ITGA4: variants seen among roughly 807,000 people sequenced by gnomAD.
ITGA4 encodes the protein integrin subunit alpha 4, also known as integrin alpha-4.
In ITGA4, 63 loss-of-function variants were observed where a neutral mutation model predicts 133.6. The observed-to-expected ratio is 0.47, with a 90% CI of 0.38 to 0.58. The LOEUF (loss-of-function observed/expected upper bound fraction) is 0.58, where lower values mean the gene tolerates loss of function less well. ITGA4 is among the 20% of genes least tolerant of loss of function. The probability of loss-of-function intolerance (pLI) is 0.00; values close to 1 mark genes in which losing one functional copy is unlikely to be tolerated. For missense variants in ITGA4, 1,076 were observed against 1,252.7 expected, an observed-to-expected ratio of 0.86 and a Z score of 2.13; for synonymous variants, 483 against 438.0, an observed-to-expected ratio of 1.10 and a Z score of -1.28.
chr2:181,531,573 A>G, intron 24 of ITGA4, 84 bp from the exon 25 acceptor site: 1 of 604,558 alleles, frequency 1.7e-6, no homozygotes, highest in South Asian at 3.7e-5. Flanking sequence ...CCATTAGAGT[A>G]TATATTAAAT....
chr2:181,506,419 T>C (rs4667314), intron 15 of ITGA4, among the ~76,000 whole-genome samples: 147,890 of 152,072 alleles, frequency 0.97, 72,047 homozygotes, highest in Middle Eastern at 1. Context: ...TCAGATAACA[T>C]AACTAAGCCA....
intron 4 of ITGA4, among the ~76,000 whole-genome samples, chr2:181,476,884 A>G (rs1253584506): frequency 6.6e-6 from 1 of 152,128 alleles, no homozygotes; most frequent in East Asian, 1.9e-4. Context: ...ACCAAATACC[A>G]CATGTTCTCA....
At chr2:181,465,461 C>T (rs1355878098) in intron 2 of ITGA4, among the ~76,000 whole-genome samples, 1 of 152,022 alleles carries the variant, frequency 6.6e-6, no homozygotes, top group East Asian at 1.9e-4. Flanking sequence ...GATTCCAAAA[C>T]CAAGCATGGA....
intron 14 of ITGA4, among the ~76,000 whole-genome samples, chr2:181,497,865 T>C (rs1686185790): frequency 6.6e-6 from 1 of 152,052 alleles, no homozygotes; most frequent in South Asian, 2.1e-4. Context: ...TTGTTAATTT[T>C]TTCTTTTTTC....
chr2:181,532,228 G>A (rs1218688374), intron 25 of ITGA4, among the ~76,000 whole-genome samples: 1 of 152,158 alleles, frequency 6.6e-6, no homozygotes, highest in Non-Finnish European at 1.5e-5. Flanking sequence ...GGATTGTCTT[G>A]ACTATATGGG....
At chr2:181,529,520 A>C (rs1203624293) in intron 22 of ITGA4, 21 bp from the exon 23 acceptor site, 2 of 1,267,578 alleles carry the variant, frequency 1.6e-6, no homozygotes, top group Non-Finnish European at 2.3e-6. Context: ...AATTTGTTAA[A>C]AAATTTTTCC....
chr2:181,534,355 T>TGAG lies in ITGA4; in HGVS notation c.2869_2871dup (p.Glu957dup), dbSNP rs1356946676. ...CAAGAGTAATTGAACTAAACAAGGATGAGAATGTTGCGCATGTAAGATTAC... is the reference window on the plus strand; with the variant it reads ...CAAGAGTAATTGAACTAAACAAGGATGAGGAGAATGTTGCGCATGTAAGATTAC... On this transcript the variant is annotated inframe_insertion, in exon 26 of 28. Transcript: ENST00000397033. 1 of 1,594,940 alleles carries TGAG rather than the reference T, an allele frequency of 6.3e-7. No individual in the cohort carries two copies. The highest frequency in any genetic ancestry group is 8.6e-7 in the Non-Finnish European group (1 of 1,163,120).
At chr2:181,518,962 T>G (rs2105762634) in intron 17 of ITGA4, among the ~76,000 whole-genome samples, 1 of 152,116 alleles carries the variant, frequency 6.6e-6, no homozygotes, top group South Asian at 2.1e-4. Context: ...GAATCTCTCC[T>G]AGATAGAAAC....
At chr2:181,505,601 A>AT (rs1686377014) in intron 15 of ITGA4, among the ~76,000 whole-genome samples, 1 of 152,102 alleles carries the variant, frequency 6.6e-6, no homozygotes, top group African/African-American at 2.4e-5. Flanking sequence ...ACTTCAAGAC[A>AT]TTTTTGATAT....
chr2:181,464,708 A>G (rs896655736), intron 2 of ITGA4, among the ~76,000 whole-genome samples: 2 of 152,108 alleles, frequency 1.3e-5, no homozygotes, highest in African/African-American at 2.4e-5. Flanking sequence ...TGCACATTTC[A>G]GCCTCATTCC....
intron 15 of ITGA4, among the ~76,000 whole-genome samples, chr2:181,506,999 T>C (rs573020246): frequency 6.6e-6 from 1 of 152,186 alleles, no homozygotes; most frequent in African/African-American, 2.4e-5. Context: ...ACTAGACTCT[T>C]TAATGGTCAA....
chr2:181,525,755 C>T (rs1686820831), intron 21 of ITGA4, among the ~76,000 whole-genome samples: 1 of 152,180 alleles, frequency 6.6e-6, no homozygotes, highest in Admixed American at 6.5e-5. Context: ...CAAGGTGTCC[C>T]TTGTCCACTT....
intron 25 of ITGA4, 47 bp from the exon 26 acceptor site, chr2:181,534,225 C>T (rs1373621479): frequency 1.8e-6 from 2 of 1,137,850 alleles, no homozygotes; most frequent in South Asian, 2.6e-5. Flanking sequence ...TAAATTATGT[C>T]TTTATGAAAT....
Position 181,538,349 on chromosome 2 carries a change from C to T in ITGA4, c.*2822C>T, listed in dbSNP as rs1687305026. The T allele has an allele frequency of 4.4e-6, 3 of 678,284 alleles. No homozygotes were observed. The highest frequency in any genetic ancestry group is 8.0e-6 in the Non-Finnish European group (3 of 372,902). The allele number at this position is 678,284 out of a possible 1,614,324, so 42.0% of individuals were successfully genotyped here. ...ATGCCAAATACAAATTGATAACAAACACAGCATTCCCAACAGAGCTGTAAT... is the reference window on the plus strand; with the variant it reads ...ATGCCAAATACAAATTGATAACAAATACAGCATTCCCAACAGAGCTGTAAT... On this transcript the variant is annotated 3_prime_UTR_variant, in exon 28 of 28. Coordinates refer to ENST00000397033, the MANE Select transcript of ITGA4 (RefSeq NM_000885.6).
In ITGA4 at chr2:181,530,619, G is replaced by A; in HGVS notation, c.2634G>A (p.Arg878=). 2 of 1,613,058 alleles carry A rather than the reference G, an allele frequency of 1.2e-6. No homozygotes were observed. Among genetic ancestry groups the A allele is most frequent in the Non-Finnish European group, 1.7e-6 (2 of 1,179,246 alleles). Reference sequence around the variant, plus strand: ...TGCAGACCTTGAAAGGCATAGTCCGGTTCTTGTCCAAGACTGATAAGAGGC... The same window carrying A: ...TGCAGACCTTGAAAGGCATAGTCCGATTCTTGTCCAAGACTGATAAGAGGC... ...SAMQTLKGIV[R]FLSKTDKRLL... is the part of the protein sequence containing the mutation. The change falls in exon 24 of 28, where the codon CGG becomes CGA. Residue 878 remains arginine (R), a synonymous_variant. Coordinates refer to ENST00000397033, the MANE Select transcript of ITGA4 (RefSeq NM_000885.6).
chr2:181,535,181 G>A (rs964845898), intron 27 of ITGA4, among the ~76,000 whole-genome samples: 7 of 151,990 alleles, frequency 4.6e-5, no homozygotes, highest in Admixed American at 6.6e-5. Flanking sequence ...CAAATTACAC[G>A]GAATGTCAAT....
chr2:181,535,545 A>G lies in ITGA4; in HGVS notation c.*18A>G, dbSNP rs199950735. 5.6e-5 allele frequency: 89 copies of G among 1,585,380 alleles called. No individual in the cohort carries two copies. The highest frequency in any genetic ancestry group is 7.3e-5 in the Non-Finnish European group (85 of 1,167,762). On this transcript the variant is annotated 3_prime_UTR_variant, in exon 28 of 28. Coordinates refer to ENST00000397033, the MANE Select transcript of ITGA4 (RefSeq NM_000885.6). ...ATGATTAAGGACTTCTTTCAAATTG[A>G]GAGAATGGAAAACAGACTCAGGTTG...
Position 181,520,785 on chromosome 2 carries a change from A to G in ITGA4, c.1923-1406A>G, listed in dbSNP as rs187379067. On this transcript the variant is annotated intron_variant, in intron 17 of 27. Coordinates refer to ENST00000397033, the MANE Select transcript of ITGA4 (RefSeq NM_000885.6). ...ATCTGTCCTTTATTATATCAGCTCT[A>G]GGAAGGAGTGAAGTGTGTTGGTATT... Among the ~76,000 whole-genome samples, 400 of 152,270 alleles carry G rather than the reference A, an allele frequency of 2.6e-3. 3 individuals carry two copies. Among genetic ancestry groups the G allele is most frequent in the African/African-American group, 9.0e-3 (376 of 41,574 alleles).
rs1430678761 is a variant in ITGA4 at position 181,523,615 on chromosome 2, ATAT to A, written c.2169+87_2169+89del. 3.2e-5 allele frequency: 23 copies of A among 721,258 alleles called. No individual in the cohort carries two copies. The highest frequency in any genetic ancestry group is 3.1e-4 in the African/African-American group (17 of 55,638). The allele number at this position is 721,258 out of a possible 1,614,324, so 44.7% of individuals were successfully genotyped here. Reference sequence around the variant, plus strand: ...TCCCTATCTTTAGGTTGCATAGAAAATATTATAAATATTTTAGCTTGGGGTAGG... The same window carrying A: ...TCCCTATCTTTAGGTTGCATAGAAAATATAAATATTTTAGCTTGGGGTAGG... On this transcript the variant is annotated intron_variant, in intron 19 of 27. Transcript: ENST00000397033. The surrounding 1 kb of genome is among the most constrained non-coding windows in gnomAD (Gnocchi z 4.2).
Sources: allele counts gnomAD v4.1 joint callset (sites outside exome capture counted in the v4.1 genomes callset), GRCh38; gene constraint gnomAD v4.1.1; non-coding constraint Gnocchi (gnomAD v3.1); transcripts MANE v1.5; gene names NCBI Gene and HGNC (gene_info 2026-07-23, HGNC 2026-07-21).